Variants in PABPC1 observed in about 807,000 individuals in gnomAD.
The protein encoded by PABPC1 is poly(A) binding protein cytoplasmic 1, also known as polyadenylate-binding protein 1.
A neutral mutation model predicts 74.0 loss-of-function variants in PABPC1; 4 were observed. That is an observed-to-expected ratio of 0.05 (90% confidence interval 0.03 to 0.12). The LOEUF is 0.12. Among genes scored for constraint, PABPC1 ranks in the 10% least tolerant of loss-of-function variants. PABPC1 has a pLI of 1.00. For synonymous variants in PABPC1, 227 were observed against 264.1 expected (o/e 0.86, Z 1.36); for missense variants, 271 against 821.1 (o/e 0.33, Z 8.19).
chr8:100,704,029 T>C (rs1376026539), intron 14 of PABPC1: 1 of 314,572 alleles, frequency 3.2e-6, no homozygotes. Context: ...CACTCCAGGT[T>C]GGGCGACAGA....
chr8:100,703,072 T>C lies in PABPC1; in HGVS notation c.*289A>G, dbSNP rs556768806. ...TAAAGAAAGGAATGCTTTAAATTTT[T>C]GTACTTTGCTGAAAATTCTTTTTCC... On this transcript the variant is annotated 3_prime_UTR_variant, in exon 15 of 15. Coordinates refer to ENST00000318607, the MANE Select transcript of PABPC1 (RefSeq NM_002568.4). 6.2e-6 allele frequency: 1 copy of C among 162,320 alleles called. No individual in the cohort carries two copies. The highest frequency in any genetic ancestry group is 2.4e-5 in the African/African-American group (1 of 41,612). The allele number at this position is 162,320 out of a possible 1,614,324, so 10.1% of individuals were successfully genotyped here. A position where few individuals can be genotyped will look rare whatever the true frequency, so the allele number is the denominator to read the frequency against.
Position 100,715,507 on chromosome 8 carries a change from C to T in PABPC1, c.598G>A (p.Glu200Lys). ...TTAAGGCGCTCATCATCCATGTCTT[C>T]TCCAAAATTCTTGATGTAAACATTG... ...FTNVYIKNFG[E>K]DMDDERLKDL... is the part of the protein sequence containing the mutation. Residue 200 changes from glutamate (E) to lysine (K), a missense_variant, in exon 4 of 15, where the codon GAA becomes AAA. By Grantham distance (56) the Glu-to-Lys change is moderately conservative. This residue lies in a region of PABPC1 where 78 missense variants were observed against 202.8 expected (regional missense o/e 0.38). Coordinates refer to ENST00000318607, the MANE Select transcript of PABPC1 (RefSeq NM_002568.4). 6.2e-7 allele frequency: 1 copy of T among 1,613,378 alleles called. No homozygotes were observed. Among genetic ancestry groups the T allele is most frequent in the Non-Finnish European group, 8.5e-7 (1 of 1,179,550 alleles).
At chr8:100,718,572 T>A (rs1810731507) in intron 1 of PABPC1, among the ~76,000 whole-genome samples, 1 of 152,248 alleles carries the variant, frequency 6.6e-6, no homozygotes, top group Admixed American at 6.5e-5. Flanking sequence ...TTAATTGCCA[T>A]TAAATCTAAA....
intron 7 of PABPC1, among the ~76,000 whole-genome samples, 164 bp downstream of exon 7, chr8:100,712,198 T>G (rs1460691804): frequency 6.6e-6 from 1 of 152,250 alleles, no homozygotes; most frequent in African/African-American, 2.4e-5. Context: ...CATTTTTAAG[T>G]TAACCATTAG....
chr8:100,719,574 G>A (rs533650847), intron 1 of PABPC1, among the ~76,000 whole-genome samples: 5 of 152,140 alleles, frequency 3.3e-5, no homozygotes, highest in Non-Finnish European at 5.9e-5. Context: ...ACAGAAACTA[G>A]ACAAATGGAA....
At chr8:100,704,803 C>A in intron 13 of PABPC1, 123 bp downstream of exon 13, 1 of 965,764 alleles carries the variant, frequency 1.0e-6, no homozygotes, top group South Asian at 1.6e-5. Context: ...GGTTATTATG[C>A]AGACTTTACA....
At chr8:100,707,217 C>T (rs1810403318) in intron 9 of PABPC1, 1 of 402,912 alleles carries the variant, frequency 2.5e-6, no homozygotes, top group Admixed American at 3.9e-5. Flanking sequence ...GCGACCAGCC[C>T]CACAGGGTCG....
chr8:100,718,427 T>G, intron 1 of PABPC1, 147 bp from the exon 2 acceptor site: 1 of 634,098 alleles, frequency 1.6e-6, no homozygotes, highest in Non-Finnish European at 2.7e-6. Context: ...GGCTAGACCT[T>G]TCAAGTATCA....
intron 3 of PABPC1, among the ~76,000 whole-genome samples, chr8:100,716,330 G>C (rs1011770681): frequency 2.6e-5 from 4 of 152,162 alleles, no homozygotes; most frequent in African/African-American, 7.2e-5. Context: ...GAACCCGGGA[G>C]GCAGAGGTGG....
At chr8:100,706,362 C>A (rs921139388) in intron 11 of PABPC1, among the ~76,000 whole-genome samples, 1 of 152,136 alleles carries the variant, frequency 6.6e-6, no homozygotes, top group East Asian at 1.9e-4. Context: ...GCAGGGATTA[C>A]AGCTTGCTGC....
At chr8:100,710,063 T>C (rs1014461300) in intron 7 of PABPC1, among the ~76,000 whole-genome samples, 2 of 152,226 alleles carry the variant, frequency 1.3e-5, no homozygotes, top group Non-Finnish European at 2.9e-5. Context: ...GCCTACTAAA[T>C]TGACTTTTGG....
rs775197453 is a variant in PABPC1, at chr8:100,705,046, C to G, written c.1698G>C (p.Leu566=). Residue 566 remains leucine (L), a synonymous_variant, in exon 13 of 15, where the codon CTG becomes CTC. Transcript: ENST00000318607. ...GGTGCATGGCTTGAATAAGAGGAAA[C>G]AGCCGTTCACCTAGGAACAGAAACA... ...QEQKQMLGER[L]FPLIQAMHPT... 5.0e-6 allele frequency: 8 copies of G among 1,613,052 alleles called. No individual in the cohort carries two copies. In the East Asian group the frequency reaches 6.7e-5, roughly 13 times the overall value.
Position 100,704,989 on chromosome 8 carries a change from C to T in PABPC1, c.1755G>A (p.Leu585=). 1 of 1,613,654 alleles carries T rather than the reference C, an allele frequency of 6.2e-7. No individual in the cohort carries two copies. Among genetic ancestry groups the T allele is most frequent in the Non-Finnish European group, 8.5e-7 (1 of 1,179,904 alleles). The change falls in exon 13 of 15, where the codon TTG becomes TTA. Residue 585 remains leucine (L), a synonymous_variant. Transcript: ENST00000318607. ...PTLAGKITGM[L]LEIDNSELLH... is the part of the protein sequence containing the mutation. The stretch of plus-strand genomic sequence containing the variant: ...GAAGTTCTGAATTATCAATCTCCAA[C>T]AACATGCCAGTGATTTTACCAGCAA...
rs770105287 is a variant in PABPC1 at position 100,721,629 on chromosome 8, AGAG to A, written c.-49_-47del. On this transcript the variant is annotated 5_prime_UTR_variant, in exon 1 of 15. Transcript: ENST00000318607. This position sits in a 1 kb window ranked among gnomAD's most constrained non-coding sequence, Gnocchi z 7.4. The stretch of plus-strand genomic sequence containing the variant: ...GGCCACAGGCCGCGACCTTTCCGTG[AGAG>A]GAGGAGAGCGAGTGCCGGGGCTGGG... 36 of 1,225,950 alleles carry A rather than the reference AGAG, an allele frequency of 2.9e-5. No homozygotes were observed. In the East Asian group the frequency reaches 3.9e-4, roughly 13 times the overall value. The allele number at this position is 1,225,950 out of a possible 1,614,324, so 75.9% of individuals were successfully genotyped here.
chr8:100,704,242 T>C, intron 14 of PABPC1, 55 bp downstream of exon 14: 2 of 1,342,046 alleles, frequency 1.5e-6, no homozygotes, highest in Non-Finnish European at 2.1e-6. Context: ...TCAACAAACT[T>C]TATAAAAGAT....
chr8:100,721,649 G>A lies in PABPC1; in HGVS notation c.-66C>T. ...CCGTGAGAGGAGGAGAGCGAGTGCC[G>A]GGGCTGGGGGCCGGAGCCGGGGGGA... is the stretch of plus-strand genomic sequence containing the variant. On this transcript the variant is annotated 5_prime_UTR_variant, in exon 1 of 15. Coordinates refer to ENST00000318607, the MANE Select transcript of PABPC1 (RefSeq NM_002568.4). The surrounding 1 kb of genome is among the most constrained non-coding windows in gnomAD (Gnocchi z 7.4). 5.3e-6 allele frequency: 7 copies of A among 1,327,056 alleles called. No homozygotes were observed. The highest frequency in any genetic ancestry group is 2.8e-5 in the Admixed American group (1 of 35,530). The allele number at this position is 1,327,056 out of a possible 1,614,324, so 82.2% of individuals were successfully genotyped here. A position where few individuals can be genotyped will look rare whatever the true frequency, so the allele number is the denominator to read the frequency against.
chr8:100,707,942 CTCT>C (rs1321354552), intron 9 of PABPC1, among the ~76,000 whole-genome samples: 1 of 152,236 alleles, frequency 6.6e-6, no homozygotes, highest in African/African-American at 2.4e-5. Context: ...AAGGCTCGCA[CTCT>C]TGTCTTCTGG....
chr8:100,708,833 G>A (rs1810451255), intron 9 of PABPC1, among the ~76,000 whole-genome samples: 1 of 151,904 alleles, frequency 6.6e-6, no homozygotes, highest in Non-Finnish European at 1.5e-5. Flanking sequence ...AGCCGAAACT[G>A]AGCCACTGCA....
intron 9 of PABPC1, 134 bp from the exon 10 acceptor site, chr8:100,707,131 C>G (rs1448393503): frequency 4.9e-6 from 3 of 608,444 alleles, no homozygotes; most frequent in African/African-American, 1.9e-5. Context: ...TGAGTCTTAA[C>G]ACTTGCCATT....
Sources: allele counts gnomAD v4.1 joint callset (sites outside exome capture counted in the v4.1 genomes callset), GRCh38; gene constraint gnomAD v4.1.1; regional missense constraint gnomAD v4.1.1; non-coding constraint Gnocchi (gnomAD v3.1); transcripts MANE v1.5; gene names NCBI Gene and HGNC (gene_info 2026-07-23, HGNC 2026-07-21).